Variants in ANO10 observed in about 807,000 individuals in gnomAD.
The protein encoded by ANO10 is anoctamin 10, also known as anoctamin-10.
A neutral mutation model predicts 74.7 loss-of-function variants in ANO10; 77 were observed. The observed-to-expected ratio is 1.03, with a 90% CI of 0.86 to 1.25. The LOEUF is 1.25. Among genes scored for constraint, ANO10 ranks in the 50% most tolerant of loss-of-function variants. The pLI is 0.00. For missense variants in ANO10, 721 were observed against 778.1 expected, an observed-to-expected ratio of 0.93 and a Z score of 0.87; for synonymous variants, 279 against 284.9, an observed-to-expected ratio of 0.98 and a Z score of 0.21.
chr3:43,543,178 G>C (rs146068036), intron 11 of ANO10, among the ~76,000 whole-genome samples: 1 of 152,126 alleles, frequency 6.6e-6, no homozygotes, highest in Non-Finnish European at 1.5e-5. Flanking sequence ...AGTTGAGAGA[G>C]AGGAAGAACA....
intron 5 of ANO10, among the ~76,000 whole-genome samples, chr3:43,578,052 G>A (rs2081095049): frequency 6.6e-6 from 1 of 152,148 alleles, no homozygotes; most frequent in Non-Finnish European, 1.5e-5. Context: ...GAGAGGAAGT[G>A]TGACAGTTGG....
At chr3:43,418,258 C>T (rs1157952442) in intron 12 of ANO10, among the ~76,000 whole-genome samples, 2 of 152,214 alleles carry the variant, frequency 1.3e-5, no homozygotes, top group Non-Finnish European at 2.9e-5. Context: ...GCCTGGGTGA[C>T]AGGGCGAGAC....
At chr3:43,487,223 T>G (rs1036939366) in intron 11 of ANO10, among the ~76,000 whole-genome samples, 14 of 152,008 alleles carry the variant, frequency 9.2e-5, no homozygotes, top group African/African-American at 2.9e-4. Flanking sequence ...TTATTGAGGA[T>G]TTTTGCATCA....
intron 12 of ANO10, among the ~76,000 whole-genome samples, chr3:43,429,536 A>G (rs959184847): frequency 6.6e-6 from 1 of 152,154 alleles, no homozygotes; most frequent in Admixed American, 6.5e-5. Flanking sequence ...CAGAAATGCA[A>G]TCAATGGAGA....
chr3:43,635,514 TTATC>T (rs1284882458), intron 1 of ANO10, among the ~76,000 whole-genome samples: 2 of 152,262 alleles, frequency 1.3e-5, no homozygotes, highest in Non-Finnish European at 1.5e-5. Context: ...ATATAGTCCT[TTATC>T]TATGTGATGA....
At chr3:43,479,732 C>T (rs987128790) in intron 11 of ANO10, among the ~76,000 whole-genome samples, 1 of 152,126 alleles carries the variant, frequency 6.6e-6, no homozygotes. Context: ...TCTGAATCAC[C>T]ATAAAATGAT....
chr3:43,507,819 G>A (rs187733440), intron 11 of ANO10, among the ~76,000 whole-genome samples: 30 of 152,072 alleles, frequency 2.0e-4, no homozygotes, highest in Non-Finnish European at 3.7e-4. Context: ...ACACGGGTCT[G>A]GTTTTGAAGA....
At chr3:43,370,698 T>C (rs1282605765) in intron 12 of ANO10, among the ~76,000 whole-genome samples, 1 of 152,212 alleles carries the variant, frequency 6.6e-6, no homozygotes, top group African/African-American at 2.4e-5. Context: ...GGAGACAGAA[T>C]GGAATTTTCC....
intron 12 of ANO10, among the ~76,000 whole-genome samples, chr3:43,389,478 A>C (rs987690976): frequency 6.6e-6 from 1 of 152,248 alleles, no homozygotes; most frequent in Non-Finnish European, 1.5e-5. Context: ...GCTGATTCAC[A>C]GTTAACTTGG....
intron 12 of ANO10, among the ~76,000 whole-genome samples, chr3:43,397,798 C>T (rs1233388474): frequency 6.6e-6 from 1 of 152,202 alleles, no homozygotes; most frequent in Non-Finnish European, 1.5e-5. Flanking sequence ...GACTCTGCCT[C>T]TCAGTGGGGC....
intron 8 of ANO10, 60 bp from the exon 9 acceptor site, chr3:43,561,462 G>T: frequency 7.1e-7 from 1 of 1,399,302 alleles, no homozygotes. Flanking sequence ...TATAGCATTT[G>T]TATAAATTAT....
At chr3:43,436,492 G>A (rs1277864772) in intron 11 of ANO10, among the ~76,000 whole-genome samples, 3 of 152,100 alleles carry the variant, frequency 2.0e-5, no homozygotes, top group African/African-American at 7.2e-5. Context: ...GGTGGGGGGA[G>A]GGTAGGGTGA....
intron 9 of ANO10, among the ~76,000 whole-genome samples, chr3:43,559,915 T>C (rs1422385246): frequency 6.6e-6 from 1 of 152,216 alleles, no homozygotes; most frequent in African/African-American, 2.4e-5. Flanking sequence ...AGTAGGTGTG[T>C]GTCTTTTCTC....
Position 43,593,321 on chromosome 3 carries a change from G to C in ANO10, c.472+5211C>G, listed in dbSNP as rs555273505. On this transcript the variant is annotated intron_variant, in intron 4 of 12. Transcript: ENST00000292246. ...ACACATAATTGTTAGATTCACCAAA[G>C]TTGAAATGAAGGAAAAAATGTTAAG... Among the ~76,000 whole-genome samples, 9 of 152,280 alleles carry C rather than the reference G, an allele frequency of 5.9e-5. No individual in the cohort carries two copies. In the South Asian group the frequency reaches 8.3e-4, roughly 14 times the overall value.
At chr3:43,548,792 A>G (rs2079315468) in intron 11 of ANO10, among the ~76,000 whole-genome samples, 1 of 152,216 alleles carries the variant, frequency 6.6e-6, no homozygotes, top group Non-Finnish European at 1.5e-5. Flanking sequence ...ATTCCTACAA[A>G]TTATTCCATT....
intron 2 of ANO10, 66 bp downstream of exon 2, chr3:43,605,648 G>A: frequency 6.4e-7 from 1 of 1,555,266 alleles, no homozygotes; most frequent in Non-Finnish European, 8.9e-7. Context: ...TGAGCATACA[G>A]TGTGGGAGGC....
intron 11 of ANO10, among the ~76,000 whole-genome samples, chr3:43,502,901 T>C (rs892439957): frequency 6.6e-5 from 10 of 152,164 alleles, no homozygotes; most frequent in Admixed American, 4.6e-4. Flanking sequence ...AGACAGAAAG[T>C]AGAAGGGCTG....
chr3:43,457,980 G>A (rs2075211578), intron 11 of ANO10, among the ~76,000 whole-genome samples: 1 of 152,008 alleles, frequency 6.6e-6, no homozygotes, highest in African/African-American at 2.4e-5. Context: ...AGTTTGTGTG[G>A]GATCTTGGAA....
rs114431258 is a variant in ANO10 at position 43,526,510 on chromosome 3, G to A, written c.1797+23210C>T. Reference sequence around the variant, plus strand: ...GGAAACAATTTCAACATCCTGAGACGATTGAAAATATATCAAGAGAATGTA... The same window carrying A: ...GGAAACAATTTCAACATCCTGAGACAATTGAAAATATATCAAGAGAATGTA... On this transcript the variant is annotated intron_variant, in intron 11 of 12. Coordinates refer to ENST00000292246, the MANE Select transcript of ANO10 (RefSeq NM_018075.5). 4.4e-3 allele frequency among the ~76,000 whole-genome samples: 672 copies of A among 152,210 alleles called. 6 individuals are homozygous for A. Among genetic ancestry groups the A allele is most frequent in the African/African-American group, 0.015 (641 of 41,524 alleles).
Sources: gnomAD v4.1 joint callset for allele counts (sites outside exome capture counted in the v4.1 genomes callset) on GRCh38, gnomAD v4.1.1 for gene constraint, MANE v1.5 for transcripts, NCBI Gene and HGNC (gene_info 2026-07-23, HGNC 2026-07-21) for gene names.